CLTCL1: variants seen among roughly 807,000 people sequenced by gnomAD.
CLTCL1 encodes clathrin heavy chain like 1.
A neutral mutation model predicts 190.0 loss-of-function variants in CLTCL1; 159 were observed. The ratio of observed to expected loss-of-function variants is 0.84; its 90% CI spans 0.74 to 0.95. CLTCL1 has a LOEUF of 0.95. CLTCL1 is among the 40% of genes least tolerant of loss of function. CLTCL1 has a pLI of 0.00. For missense variants in CLTCL1, 1,878 were observed against 2,033.4 expected, an observed-to-expected ratio of 0.92 and a Z score of 1.47; for synonymous variants, 752 against 769.6, an observed-to-expected ratio of 0.98 and a Z score of 0.38.
rs1555928906 is a variant in CLTCL1 at position 19,187,546 on chromosome 22, C to T, written c.4605+12G>A. ...GCAGGAAGGTGGGAGGAAACGGGCC[C>T]AGGCCACCAACCTTGTAGAGATGAT... On this transcript the variant is annotated intron_variant, in intron 29 of 32. Transcript: ENST00000427926. 3.1e-6 allele frequency: 5 copies of T among 1,599,886 alleles called. No homozygotes were observed. The highest frequency in any genetic ancestry group is 1.1e-5 in the South Asian group (1 of 90,848).
In CLTCL1 at chr22:19,203,281, C is replaced by T. The variant is rs781869634; in HGVS notation, c.3601-1788G>A. On this transcript the variant is annotated intron_variant, in intron 22 of 32. Transcript: ENST00000427926. ...AGTGAGCTGAGATCGCACCACTGCA[C>T]TCTAGCTTGGGAGACAAGAGTGAAA... Among the ~76,000 whole-genome samples, 5 of 152,168 alleles carry T rather than the reference C, an allele frequency of 3.3e-5. No individual in the cohort carries two copies. The East Asian group carries it at 9.6e-4, about 29-fold the overall frequency.
chr22:19,275,974 T>TGAAAAGCAAG lies in CLTCL1; in HGVS notation c.43-145_43-144insCTTGCTTTTC, dbSNP rs2087488262. 3 of 695,834 alleles carry TGAAAAGCAAG rather than the reference T, an allele frequency of 4.3e-6. No homozygotes were observed. In the African/African-American group the frequency reaches 5.4e-5, roughly 12 times the overall value. 43.1% of individuals were successfully genotyped at this position (695,834 alleles called of 1,614,324 possible). A position where few individuals can be genotyped will look rare whatever the true frequency, so the allele number is the denominator to read the frequency against. On this transcript the variant is annotated intron_variant, in intron 1 of 32. Transcript: ENST00000427926. ...CTTGAAGGAAACATTAGCTTGCTTT[T>TGAAAAGCAAG]CTACGCCTGTAATAGATCCACCCAA...
chr22:19,241,764 G>C (rs2086260770), intron 4 of CLTCL1, among the ~76,000 whole-genome samples: 1 of 152,096 alleles, frequency 6.6e-6, no homozygotes, highest in South Asian at 2.1e-4. Flanking sequence ...AGCAGCCGCT[G>C]GCCATGTCCC....
rs868954302 is a variant in CLTCL1 at position 19,225,611 on chromosome 22, G to A, written c.1970C>T (p.Ser657Phe). 1 of 1,567,554 alleles carries A rather than the reference G, an allele frequency of 6.4e-7. No individual in the cohort carries two copies. Among genetic ancestry groups the A allele is most frequent in the Non-Finnish European group, 8.6e-7 (1 of 1,157,204 alleles). ...CTCCACAGAATCCTCCACCGATAAG[G>A]AGCCAAAGAAATTGACAAGCCACTG... is the stretch of plus-strand genomic sequence containing the variant. The part of the protein sequence containing the change: ...NPEWLVNFFG[S>F]LSVEDSVECL... Residue 657 changes from serine (S) to phenylalanine (F), a missense_variant, in exon 13 of 33, where the codon TCC (serine) becomes TTC (phenylalanine). Transcript: ENST00000427926.
intron 7 of CLTCL1, 109 bp from the exon 8 acceptor site, chr22:19,233,731 C>T (rs782495144): frequency 4.6e-5 from 44 of 950,184 alleles, no homozygotes; most frequent in Non-Finnish European, 6.5e-5. Context: ...TTCCACACTG[C>T]TCTGTCATAG....
chr22:19,289,007 G>A (rs1369120257), intron 1 of CLTCL1, among the ~76,000 whole-genome samples: 16 of 152,178 alleles, frequency 1.1e-4, no homozygotes, highest in Admixed American at 9.2e-4. Flanking sequence ...TTTTTGAGAC[G>A]GAGTCTCGGT....
intron 26 of CLTCL1, among the ~76,000 whole-genome samples, chr22:19,194,073 G>A (rs782800876): frequency 1.3e-5 from 2 of 152,128 alleles, no homozygotes; most frequent in Non-Finnish European, 2.9e-5. Flanking sequence ...ATTCTACAGA[G>A]TGCTGATTGG....
At chr22:19,274,829 A>C (rs2087444706) in intron 2 of CLTCL1, among the ~76,000 whole-genome samples, 1 of 151,062 alleles carries the variant, frequency 6.6e-6, no homozygotes, top group South Asian at 2.1e-4. Flanking sequence ...TCCTGGGTTC[A>C]AGAGATTCTC....
intron 2 of CLTCL1, among the ~76,000 whole-genome samples, chr22:19,269,912 GT>G (rs1160424702): frequency 6.6e-6 from 1 of 150,414 alleles, no homozygotes; most frequent in African/African-American, 2.5e-5. Flanking sequence ...AAACCTGCAT[GT>G]TCTGCACATG....
intron 3 of CLTCL1, among the ~76,000 whole-genome samples, chr22:19,248,966 C>G (rs28651174): frequency 6.6e-6 from 1 of 151,974 alleles, no homozygotes; most frequent in Non-Finnish European, 1.5e-5. Flanking sequence ...AAATGTCCAG[C>G]GCCCCAAGAC....
chr22:19,182,878 T>C (rs144270393), intron 30 of CLTCL1: 2 of 167,182 alleles, frequency 1.2e-5, no homozygotes, highest in Non-Finnish European at 2.6e-5. Flanking sequence ...TACAATCAAG[T>C]ACTGTCACTT....
Position 19,234,618 on chromosome 22 carries a change from A to G in CLTCL1, c.1058T>C (p.Val353Ala). The G allele has an allele frequency of 1.2e-6, 2 of 1,614,004 alleles. No individual in the cohort carries two copies. Among genetic ancestry groups the G allele is most frequent in the Non-Finnish European group, 1.7e-6 (2 of 1,179,896 alleles). Residue 353 changes from valine (V) to alanine (A), a missense_variant, in exon 7 of 33, where the codon GTT (valine) becomes GCT (alanine). Physicochemically the swap from Val to Ala is moderately conservative, Grantham distance 64. Coordinates refer to ENST00000427926, the MANE Select transcript of CLTCL1 (RefSeq NM_007098.4). ...QNPDLGLRLA[V>A]RSNLAGAEKL... Reference sequence around the variant, plus strand: ...CTCTGCCCCAGCCAGGTTACTACGAACGGCCAAACGCAGACCAAGGTCTGG... The same window carrying G: ...CTCTGCCCCAGCCAGGTTACTACGAGCGGCCAAACGCAGACCAAGGTCTGG...
chr22:19,223,427 A>C (rs2085639706), intron 14 of CLTCL1, among the ~76,000 whole-genome samples: 1 of 141,672 alleles, frequency 7.1e-6, no homozygotes, highest in Non-Finnish European at 1.6e-5. Context: ...GCTGACTGGG[A>C]AGACGACATC....
chr22:19,193,638 A>G (rs2084591209), intron 26 of CLTCL1, among the ~76,000 whole-genome samples: 1 of 152,240 alleles, frequency 6.6e-6, no homozygotes, highest in South Asian at 2.1e-4. Context: ...TGGGAGGCCA[A>G]GGCAGGCGGA....
chr22:19,235,041 A>C (rs1223874385), intron 6 of CLTCL1, among the ~76,000 whole-genome samples: 1 of 152,166 alleles, frequency 6.6e-6, no homozygotes, highest in Non-Finnish European at 1.5e-5. Flanking sequence ...CTTTTTTAAA[A>C]AATATTTTTG....
At chr22:19,270,804 AT>A (rs2087291029) in intron 2 of CLTCL1, among the ~76,000 whole-genome samples, 2 of 151,770 alleles carry the variant, frequency 1.3e-5, no homozygotes, top group Non-Finnish European at 2.9e-5. Context: ...AAAGAAAGAT[AT>A]AAAAAAAAAA....
chr22:19,251,830 G>A (rs2146055572), intron 3 of CLTCL1, among the ~76,000 whole-genome samples: 1 of 152,364 alleles, frequency 6.6e-6, no homozygotes, highest in East Asian at 1.9e-4. Flanking sequence ...CTGAACAGAA[G>A]TAGCAAGAGA....
intron 1 of CLTCL1, among the ~76,000 whole-genome samples, chr22:19,285,219 G>A (rs1555989435): frequency 6.6e-6 from 1 of 151,916 alleles, no homozygotes; most frequent in Non-Finnish European, 1.5e-5. Flanking sequence ...AGGTTGCAGT[G>A]AGCCGAGATT....
At chr22:19,239,853 G>A (rs1283883732) in intron 4 of CLTCL1, among the ~76,000 whole-genome samples, 1 of 152,126 alleles carries the variant, frequency 6.6e-6, no homozygotes, top group East Asian at 1.9e-4. Flanking sequence ...CTGGGCGGGG[G>A]TAAGAATCTG....
Sources: gnomAD v4.1 joint callset for allele counts (sites outside exome capture counted in the v4.1 genomes callset) on GRCh38, gnomAD v4.1.1 for gene constraint, MANE v1.5 for transcripts, NCBI Gene and HGNC (gene_info 2026-07-23, HGNC 2026-07-21) for gene names.